Variants in GSE1 observed in about 807,000 individuals in gnomAD.
GSE1 encodes Gse1 coiled-coil protein, also known as genetic suppressor element 1.
GSE1 carries 32 observed loss-of-function variants against 112.6 expected under a neutral mutation model. The ratio of observed to expected loss-of-function variants is 0.28; its 90% CI spans 0.21 to 0.38. The LOEUF is 0.38. GSE1 is among the 10% of genes least tolerant of loss of function. GSE1 has a pLI of 1.00. For synonymous variants in GSE1, 1,115 were observed against 735.6 expected (o/e 1.52, Z -8.35); for missense variants, 2,348 against 1,699.2 (o/e 1.38, Z -6.71).
intron 1 of GSE1, among the ~76,000 whole-genome samples, chr16:85,202,536 C>T (rs1327284851): frequency 6.6e-6 from 1 of 152,220 alleles, no homozygotes; most frequent in African/African-American, 2.4e-5. Flanking sequence ...CTCTGGAGAA[C>T]ATGAGGCCCC....
At chr16:85,275,849 T>C (rs1367539137) in intron 1 of GSE1, among the ~76,000 whole-genome samples, 1 of 152,212 alleles carries the variant, frequency 6.6e-6, no homozygotes, top group Non-Finnish European at 1.5e-5. Flanking sequence ...GGGCTGGTGA[T>C]GGAGGAAGCC....
At chr16:85,224,869 C>T (rs1042428043) in intron 1 of GSE1, among the ~76,000 whole-genome samples, 3 of 151,438 alleles carry the variant, frequency 2.0e-5, no homozygotes, top group Admixed American at 6.6e-5. Flanking sequence ...TGTGGTGGCA[C>T]CTGTAATCCC....
intron 1 of GSE1, among the ~76,000 whole-genome samples, chr16:85,313,628 G>T (rs1356383935): frequency 2.6e-5 from 4 of 152,234 alleles, no homozygotes; most frequent in South Asian, 4.1e-4. Flanking sequence ...CTAGGCTGGG[G>T]GGTGGGGAAG....
At chr16:85,385,071 G>T (rs2047657435) in intron 2 of GSE1, among the ~76,000 whole-genome samples, 1 of 152,268 alleles carries the variant, frequency 6.6e-6, no homozygotes, top group African/African-American at 2.4e-5. Flanking sequence ...CCTGCCCCGG[G>T]CCCTGTTGCT....
At chr16:85,360,312 G>A (rs1333973687) in intron 2 of GSE1, among the ~76,000 whole-genome samples, 2 of 152,102 alleles carry the variant, frequency 1.3e-5, no homozygotes, top group African/African-American at 4.8e-5. Flanking sequence ...GGACCCCCGT[G>A]AGTGTCCCTG....
intron 2 of GSE1, among the ~76,000 whole-genome samples, chr16:85,488,404 C>T (rs150403803): frequency 4.6e-5 from 7 of 152,268 alleles, no homozygotes; most frequent in Non-Finnish European, 7.4e-5. Flanking sequence ...TTCATTTATT[C>T]GCACAGCCAG....
intron 1 of GSE1, among the ~76,000 whole-genome samples, chr16:85,349,830 C>A (rs2046817915): frequency 1.3e-5 from 2 of 152,222 alleles, no homozygotes; most frequent in Admixed American, 1.3e-4. Flanking sequence ...GCAAACCTCC[C>A]CTCTCTGCCA....
chr16:85,672,226 G>A (rs181467132), intron 15 of GSE1, 179 bp from the exon 16 acceptor site: 16 of 599,462 alleles, frequency 2.7e-5, no homozygotes, highest in South Asian at 7.3e-5. Context: ...AACTCCTGAC[G>A]ACAGGTGATC....
intron 2 of GSE1, among the ~76,000 whole-genome samples, chr16:85,644,819 T>A (rs1002947876): frequency 8.6e-5 from 13 of 151,504 alleles, no homozygotes; most frequent in African/African-American, 3.2e-4. Flanking sequence ...GGTGAAGCTA[T>A]AACAACTGAA....
At chr16:85,518,587 A>C (rs534797083) in intron 2 of GSE1, among the ~76,000 whole-genome samples, 28 of 152,036 alleles carry the variant, frequency 1.8e-4, no homozygotes, top group Non-Finnish European at 2.9e-4. Flanking sequence ...GCTCTCTCTG[A>C]GATTCAGTTT....
At chr16:85,471,968 G>A (rs769450475) in intron 2 of GSE1, among the ~76,000 whole-genome samples, 2 of 152,222 alleles carry the variant, frequency 1.3e-5, no homozygotes, top group African/African-American at 2.4e-5. Flanking sequence ...TTAAGGCACC[G>A]TAAGACCGTT....
intron 1 of GSE1, among the ~76,000 whole-genome samples, chr16:85,295,221 C>T (rs940707660): frequency 1.3e-5 from 2 of 152,238 alleles, no homozygotes; most frequent in Non-Finnish European, 2.9e-5. Flanking sequence ...CACACCGGTC[C>T]ACCTTCTGCC....
intron 2 of GSE1, among the ~76,000 whole-genome samples, chr16:85,637,564 G>A (rs530653778): frequency 9.2e-5 from 14 of 152,176 alleles, no homozygotes; most frequent in Non-Finnish European, 8.8e-5. Flanking sequence ...GCTGTGTATC[G>A]AGCGCCTGCT....
At chr16:85,517,198 G>A (rs2051978052) in intron 2 of GSE1, among the ~76,000 whole-genome samples, 2 of 151,998 alleles carry the variant, frequency 1.3e-5, no homozygotes, top group Non-Finnish European at 1.5e-5. Context: ...CCTAGGGTTC[G>A]ACAGCACACA....
rs1555563679 is a variant in GSE1, at chr16:85,331,365, G to GTGTGTA, written c.2284-26097_2284-26096insGTGTAT. On this transcript the variant is annotated intron_variant, in intron 1 of 2. Coordinates refer to the GSE1 transcript ENST00000637419. ...TGTGTGTGTGTGTGTGTGTGTGTGT[G>GTGTGTA]TATATATGTATATATATGTATATAT... is the stretch of plus-strand genomic sequence containing the variant. Among the ~76,000 whole-genome samples, 61 of 101,142 alleles carry GTGTGTA rather than the reference G, an allele frequency of 6.0e-4. 5 individuals carry two copies. The highest frequency in any genetic ancestry group is 5.1e-3 in the East Asian group (19 of 3,690). 66.4% of individuals were successfully genotyped at this position (101,142 alleles called of 152,430 possible).
At chr16:85,179,607 G>A (rs1443626084) in intron 1 of GSE1, among the ~76,000 whole-genome samples, 1 of 152,176 alleles carries the variant, frequency 6.6e-6, no homozygotes, top group Non-Finnish European at 1.5e-5. Flanking sequence ...TGACGTGATA[G>A]GGCTTAGGTT....
At chr16:85,602,247 G>A (rs923124630) in intron 1 of GSE1, among the ~76,000 whole-genome samples, 3 of 152,230 alleles carry the variant, frequency 2.0e-5, no homozygotes, top group Non-Finnish European at 4.4e-5. Flanking sequence ...CGAGGCGGGG[G>A]CCAGGCAGGG....
At chr16:85,224,836 A>C (rs2075456010) in intron 1 of GSE1, among the ~76,000 whole-genome samples, 1 of 150,028 alleles carries the variant, frequency 6.7e-6, no homozygotes, top group African/African-American at 2.4e-5. Flanking sequence ...AAAAATACAA[A>C]AAAAAAAAAA....
intron 2 of GSE1, among the ~76,000 whole-genome samples, chr16:85,509,260 G>C (rs1255689017): frequency 2.0e-5 from 3 of 152,206 alleles, no homozygotes; most frequent in Non-Finnish European, 4.4e-5. Context: ...GGACAGCTTT[G>C]GGCGGCGGTA....
Sources: gnomAD v4.1 joint callset for allele counts (sites outside exome capture counted in the v4.1 genomes callset) on GRCh38, gnomAD v4.1.1 for gene constraint, MANE v1.5 for transcripts, NCBI Gene and HGNC (gene_info 2026-07-23, HGNC 2026-07-21) for gene names.